The following SLC12A4 variants were observed in gnomAD, a reference collection of about 807,000 sequenced individuals.
SLC12A4 encodes electroneutral potassium-chloride cotransporter 1.
In SLC12A4, 84 loss-of-function variants were observed where a neutral mutation model predicts 119.2. The observed-to-expected ratio is 0.70, with a 90% confidence interval of 0.59 to 0.85. SLC12A4 has a LOEUF of 0.85. Ranked by LOEUF, SLC12A4 falls within the 40% of genes least tolerant of loss-of-function variation. The pLI is 0.00. For synonymous variants in SLC12A4, 599 were observed against 604.6 expected, an observed-to-expected ratio of 0.99 and a Z score of 0.14; for missense variants, 1,298 against 1,476.3, an observed-to-expected ratio of 0.88 and a Z score of 1.98.
At chr16:67,967,936 AC>A (rs1199301615) in intron 1 of SLC12A4, among the ~76,000 whole-genome samples, 4 of 151,766 alleles carry the variant, frequency 2.6e-5, no homozygotes, top group South Asian at 2.1e-4. Flanking sequence ...TTACCCATAG[AC>A]CCCCCAGTAG....
chr16:67,946,673 C>A, intron 17 of SLC12A4, 40 bp from the exon 18 acceptor site: 1 of 1,577,592 alleles, frequency 6.3e-7, no homozygotes. Context: ...AGGCCATCAG[C>A]TTCCTGCCTC....
In SLC12A4 at chr16:67,946,057, A is replaced by G. The variant is rs2058342140; in HGVS notation, c.2633T>C (p.Ile878Thr). The G allele has an allele frequency of 6.2e-7, 1 of 1,613,876 alleles. No individual in the cohort carries two copies. Among genetic ancestry groups the G allele is most frequent in the African/African-American group, 1.3e-5 (1 of 74,924 alleles). Residue 878 changes from isoleucine to threonine, a missense_variant, in exon 20 of 24, where the codon ATC becomes ACC. By Grantham distance (89) the Ile-to-Thr change is moderately conservative. Coordinates refer to ENST00000316341, the MANE Select transcript of SLC12A4 (RefSeq NM_005072.5). ...HKVWRKCRMR[I>T]FTVAQMDDNS... Reference sequence around the variant, plus strand: ...GTCATCCATCTGGGCCACTGTGAAGATGCGCATCCGGCACTTCCTCCAGAC... The same window carrying G: ...GTCATCCATCTGGGCCACTGTGAAGGTGCGCATCCGGCACTTCCTCCAGAC...
At position 67,943,520 on chromosome 16, in the gene SLC12A4, T is replaced by C. The variant is rs2058305864; in HGVS notation, c.*1320A>G. 3.9e-6 allele frequency: 2 copies of C among 509,054 alleles called. No individual in the cohort carries two copies. Among genetic ancestry groups the C allele is most frequent in the Non-Finnish European group, 7.2e-6 (2 of 278,660 alleles). 31.5% of individuals were successfully genotyped at this position (509,054 alleles called of 1,614,324 possible). A position where few individuals can be genotyped will look rare whatever the true frequency, so the allele number is the denominator to read the frequency against. ...TGCCAAAGTCCAAGGTGGGAACAGA[T>C]AGGTCTGGGGGCATGGGGGCTGGGC... On this transcript the variant is annotated 3_prime_UTR_variant, in exon 24 of 24. Transcript: ENST00000316341. The surrounding 1 kb of genome is among the most constrained non-coding windows in gnomAD (Gnocchi z 4.6).
intron 1 of SLC12A4, chr16:67,966,922 A>G: frequency 6.9e-7 from 1 of 1,444,042 alleles, no homozygotes; most frequent in Non-Finnish European, 9.2e-7. Flanking sequence ...TGTAGGGGCC[A>G]AGGCGTGGCC....
intron 6 of SLC12A4, among the ~76,000 whole-genome samples, chr16:67,952,859 G>A (rs1267220978): frequency 6.6e-5 from 10 of 151,190 alleles, no homozygotes; most frequent in Non-Finnish European, 1.3e-4. Context: ...AGGCTGAGGC[G>A]GTGGATCACT....
At chr16:67,945,914 T>A (rs758937067) in intron 20 of SLC12A4, 37 bp downstream of exon 20, 21 of 1,612,956 alleles carry the variant, frequency 1.3e-5, no homozygotes, top group Non-Finnish European at 1.8e-5. Context: ...GCACGGGACA[T>A]GGTATCCACG....
intron 1 of SLC12A4, among the ~76,000 whole-genome samples, chr16:67,964,973 TTCCTTCCCACAGCATGTGAAAG>T (rs2030798539): frequency 6.6e-6 from 1 of 152,224 alleles, no homozygotes; most frequent in African/African-American, 2.4e-5. Flanking sequence ...AAGTCAGTTC[TTCCTTCCCACAGCATGTGAAAG>T]TGGCACACCT....
chr16:67,959,951 C>G (rs2030476143), intron 3 of SLC12A4, among the ~76,000 whole-genome samples: 1 of 152,234 alleles, frequency 6.6e-6, no homozygotes, highest in Non-Finnish European at 1.5e-5. Context: ...TCAGCAGCCC[C>G]AGATCCCTAA....
chr16:67,952,112 C>G, intron 7 of SLC12A4, 72 bp downstream of exon 7: 1 of 1,609,744 alleles, frequency 6.2e-7, no homozygotes, highest in Non-Finnish European at 8.5e-7. Flanking sequence ...TCTCTGGGAT[C>G]TGGGGCATCA....
At chr16:67,966,726 T>A in intron 1 of SLC12A4, 2 of 1,551,174 alleles carry the variant, frequency 1.3e-6, no homozygotes, top group Non-Finnish European at 1.7e-6. Context: ...CCCTTTGCAG[T>A]CCCCACCAAG....
chr16:67,959,762 TCCCCAAA>T (rs956047972), intron 3 of SLC12A4, among the ~76,000 whole-genome samples: 17 of 152,294 alleles, frequency 1.1e-4, no homozygotes, highest in African/African-American at 4.1e-4. Flanking sequence ...GCTTTCTGCA[TCCCCAAA>T]TAACCTCTGG....
intron 5 of SLC12A4, 113 bp from the exon 6 acceptor site, chr16:67,954,886 TG>T: frequency 7.5e-7 from 1 of 1,339,856 alleles, no homozygotes; most frequent in Non-Finnish European, 1.0e-6. Context: ...TTTTCCTGTT[TG>T]TGGATGAGTA....
chr16:67,958,091 C>A, intron 3 of SLC12A4, 47 bp from the exon 4 acceptor site: 2 of 1,588,984 alleles, frequency 1.3e-6, no homozygotes, highest in Non-Finnish European at 1.7e-6. Context: ...CAGAGGGATG[C>A]ACCATGGAGA....
Position 67,963,471 on chromosome 16 carries a change from C to T in SLC12A4, c.204G>A (p.Leu68=). The change falls in exon 2 of 24, where the codon CTG becomes CTA. Residue 68 remains leucine (L), a synonymous_variant. Transcript: ENST00000316341. ...AAAATGGCTCCTCAGCTACCTCAAA[C>T]AGTGCCAGGTTCCTGTCATAGTAGT... is the stretch of plus-strand genomic sequence containing the variant. ...GIDYYDRNLA[L]FEEELDIRPK... is the part of the protein sequence containing the mutation. 1 of 1,570,670 alleles carries T rather than the reference C, an allele frequency of 6.4e-7. No individual in the cohort carries two copies. Among genetic ancestry groups the T allele is most frequent in the South Asian group, 1.2e-5 (1 of 84,018 alleles).
intron 6 of SLC12A4, among the ~76,000 whole-genome samples, chr16:67,953,304 T>G (rs2151330882): frequency 6.6e-6 from 1 of 152,212 alleles, no homozygotes; most frequent in Admixed American, 6.5e-5. Context: ...GGAGAATCAC[T>G]TGAACCCAGG....
At chr16:67,963,264 G>A (rs2151338969) in intron 2 of SLC12A4, 1 of 367,812 alleles carries the variant, frequency 2.7e-6, no homozygotes, top group East Asian at 5.3e-5. Flanking sequence ...GTAGCAATGG[G>A]GGTGGGATTG....
intron 5 of SLC12A4, among the ~76,000 whole-genome samples, chr16:67,956,020 T>C (rs1208557085): frequency 6.7e-6 from 1 of 149,666 alleles, no homozygotes; most frequent in African/African-American, 2.5e-5. Context: ...CTACTAAAAA[T>C]ACAAAAATTA....
intron 5 of SLC12A4, among the ~76,000 whole-genome samples, chr16:67,955,835 T>A (rs1213499095): frequency 6.6e-6 from 1 of 150,432 alleles, no homozygotes; most frequent in South Asian, 2.1e-4. Flanking sequence ...GCCGAGATCA[T>A]GCCACTTCAC....
Position 67,954,685 on chromosome 16 carries a change from G to A in SLC12A4, c.633C>T (p.Phe211=), listed in dbSNP as rs769184048. The change falls in exon 6 of 24, where the codon TTC becomes TTT. Residue 211 remains phenylalanine (F), a synonymous_variant. Coordinates refer to ENST00000316341, the MANE Select transcript of SLC12A4 (RefSeq NM_005072.5). The stretch of plus-strand genomic sequence containing the variant: ...CCCCCAGGATGTACATGGCTGCTGC[G>A]AATGTTGTTCCCAGGTAGAAGCACA... ...VGLCFYLGTT[F]AAAMYILGAI... 4.3e-5 allele frequency: 69 copies of A among 1,614,066 alleles called. 2 individuals carry two copies. The highest frequency in any genetic ancestry group is 4.2e-4 in the South Asian group (38 of 91,088).
Sources: gnomAD v4.1 joint callset for allele counts (sites outside exome capture counted in the v4.1 genomes callset) on GRCh38, gnomAD v4.1.1 for gene constraint, Gnocchi (gnomAD v3.1) non-coding constraint, MANE v1.5 for transcripts, NCBI Gene and HGNC (gene_info 2026-07-23, HGNC 2026-07-21) for gene names.